The following IGSF11 variants were observed in gnomAD, a reference collection of about 807,000 sequenced individuals.
The protein encoded by IGSF11 is immunoglobulin superfamily member 11.
Under a neutral mutation model 41.0 loss-of-function variants are expected in IGSF11, and 22 were observed. That is an observed-to-expected ratio of 0.54 (90% CI 0.38 to 0.77). The LOEUF is 0.77. Ranked by LOEUF, IGSF11 falls within the 30% of genes least tolerant of loss-of-function variation. The probability of loss-of-function intolerance (pLI) is 0.00; values close to 1 mark genes in which losing one functional copy is unlikely to be tolerated. For missense variants in IGSF11, 444 were observed against 530.8 expected (o/e 0.84, Z 1.61); for synonymous variants, 219 against 201.3 (o/e 1.09, Z -0.74).
At chr3:119,104,546 T>G (rs1167060370) in intron 1 of IGSF11, among the ~76,000 whole-genome samples, 2 of 152,202 alleles carry the variant, frequency 1.3e-5, no homozygotes, top group Non-Finnish European at 1.5e-5. Flanking sequence ...AATTTCTATG[T>G]ATTAACTCAT....
chr3:119,144,212 G>A (rs1051205246), intron 1 of IGSF11, among the ~76,000 whole-genome samples: 1 of 152,110 alleles, frequency 6.6e-6, no homozygotes, highest in African/African-American at 2.4e-5. Context: ...ACCACACCCG[G>A]CTGATTTTTT....
chr3:118,955,469 A>G (rs1944894486), intron 1 of IGSF11, among the ~76,000 whole-genome samples: 1 of 152,048 alleles, frequency 6.6e-6, no homozygotes, highest in Non-Finnish European at 1.5e-5. Flanking sequence ...GTCTTTGAAC[A>G]ATCTTGAGTT....
chr3:119,012,445 G>C (rs1039583062), intron 1 of IGSF11, among the ~76,000 whole-genome samples: 1 of 152,146 alleles, frequency 6.6e-6, no homozygotes, highest in South Asian at 2.1e-4. Flanking sequence ...TTTGTGCTCA[G>C]AGGTATACTG....
At chr3:119,136,450 C>T (rs2077563347) in intron 1 of IGSF11, among the ~76,000 whole-genome samples, 4 of 152,012 alleles carry the variant, frequency 2.6e-5, no homozygotes, top group Non-Finnish European at 5.9e-5. Context: ...TATGAAGGCA[C>T]ACATAGACTG....
At chr3:118,975,582 G>A (rs1406125017) in intron 1 of IGSF11, among the ~76,000 whole-genome samples, 1 of 152,122 alleles carries the variant, frequency 6.6e-6, no homozygotes, top group Non-Finnish European at 1.5e-5. Flanking sequence ...GTTCACTGCA[G>A]CACTATTCAC....
intron 1 of IGSF11, among the ~76,000 whole-genome samples, chr3:119,046,484 T>A (rs576898474): frequency 0.042 from 6,451 of 151,962 alleles, 187 homozygotes; most frequent in Non-Finnish European, 0.065. Flanking sequence ...CCAAGAAATA[T>A]GGGACTATGT....
At chr3:119,002,543 T>C (rs1937013204) in intron 1 of IGSF11, among the ~76,000 whole-genome samples, 1 of 133,038 alleles carries the variant, frequency 7.5e-6, no homozygotes, top group African/African-American at 3.3e-5. Context: ...ATGAAGTCCT[T>C]GCCCACGCCT....
At chr3:119,117,396 G>A (rs1216806307) in intron 1 of IGSF11, among the ~76,000 whole-genome samples, 2 of 152,118 alleles carry the variant, frequency 1.3e-5, no homozygotes, top group Non-Finnish European at 2.9e-5. Context: ...CGTCTTACAT[G>A]GATGGCAGCA....
intron 1 of IGSF11, chr3:118,981,992 C>T (rs547613798): frequency 4.6e-5 from 7 of 152,554 alleles, no homozygotes; most frequent in African/African-American, 1.7e-4. Flanking sequence ...GTGTCTCACC[C>T]GACCAACACA....
intron 1 of IGSF11, among the ~76,000 whole-genome samples, chr3:119,078,494 G>A (rs1045188753): frequency 4.6e-5 from 7 of 152,212 alleles, no homozygotes; most frequent in Non-Finnish European, 8.8e-5. Flanking sequence ...AAATGGTGCA[G>A]GGATAACTGA....
In IGSF11 at chr3:118,984,259, G is replaced by A. The variant is rs78083254; in HGVS notation, c.52+50272C>T. Among the ~76,000 whole-genome samples, 222 of 151,752 alleles carry A rather than the reference G, an allele frequency of 1.5e-3. 2 individuals are homozygous for A. Among genetic ancestry groups the A allele is most frequent in the African/African-American group, 4.2e-3 (173 of 41,364 alleles). On this transcript the variant is annotated intron_variant, in intron 1 of 6. Coordinates refer to ENST00000393775, the MANE Select transcript of IGSF11 (RefSeq NM_001015887.3). ...CCTTATAACCAGAAAAAGCAAAGCC[G>A]TCAGAAGGTTGCAGAAAATAACAGG...
At chr3:119,116,467 T>C (rs1475281207) in intron 1 of IGSF11, among the ~76,000 whole-genome samples, 2 of 152,120 alleles carry the variant, frequency 1.3e-5, no homozygotes, top group Non-Finnish European at 2.9e-5. Context: ...ATATGTAAAA[T>C]CACCTTTGCA....
At chr3:119,047,949 C>T (rs145868254) in intron 1 of IGSF11, among the ~76,000 whole-genome samples, 7,504 of 152,094 alleles carry the variant, frequency 0.049, 307 homozygotes, top group Admixed American at 0.15. Flanking sequence ...TTGAAACCAA[C>T]GAGAACAAAG....
chr3:119,075,688 A>C (rs574421515), intron 1 of IGSF11, among the ~76,000 whole-genome samples: 1 of 152,320 alleles, frequency 6.6e-6, no homozygotes, highest in Non-Finnish European at 1.5e-5. Context: ...CAAATCAATA[A>C]ATGTGATTCA....
upstream of IGSF11, among the ~76,000 whole-genome samples, chr3:119,108,004 T>C (rs1363040209): frequency 1.3e-5 from 2 of 151,438 alleles, no homozygotes; most frequent in South Asian, 2.1e-4. Flanking sequence ...TGTAGTATAG[T>C]TTGAAGTCAG....
intron 1 of IGSF11, 56 bp from the exon 2 acceptor site, chr3:118,930,331 TCCTTCAGGAA>T (rs1224977084): frequency 1.3e-6 from 2 of 1,508,458 alleles, no homozygotes; most frequent in Admixed American, 4.3e-5. Context: ...CAGTCCAAAC[TCCTTCAGGAA>T]GGTTTGCGTG....
chr3:119,050,058 C>T (rs547683387), intron 1 of IGSF11, among the ~76,000 whole-genome samples: 14 of 147,918 alleles, frequency 9.5e-5, no homozygotes, highest in African/African-American at 3.0e-4. Context: ...AGAAGAAAAC[C>T]TAGGCATTAC....
At position 118,940,908 on chromosome 3, in the gene IGSF11, CAAA is replaced by C. The variant is rs374776493; in HGVS notation, c.53-10636_53-10634del. Among the ~76,000 whole-genome samples, 496 of 99,870 alleles carry C rather than the reference CAAA, an allele frequency of 5.0e-3. 4 individuals carry two copies. Among genetic ancestry groups the C allele is most frequent in the East Asian group, 0.014 (45 of 3,212 alleles). The allele number at this position is 99,870 out of a possible 152,430, so 65.5% of individuals were successfully genotyped here. A position where few individuals can be genotyped will look rare whatever the true frequency, so the allele number is the denominator to read the frequency against. On this transcript the variant is annotated intron_variant, in intron 1 of 6. Coordinates refer to ENST00000393775, the MANE Select transcript of IGSF11 (RefSeq NM_001015887.3). The stretch of plus-strand genomic sequence containing the variant: ...GGGGGAAAAAATAATCTCCATATGC[CAAA>C]AAAAAAAAAAAAAACACCTCTACCC...
chr3:118,926,528 C>T (rs1264613061), intron 3 of IGSF11, among the ~76,000 whole-genome samples: 1 of 152,164 alleles, frequency 6.6e-6, no homozygotes, highest in Non-Finnish European at 1.5e-5. Context: ...ATCTTAAGAT[C>T]TTCCTTTCAC....
Sources: gnomAD v4.1 joint callset for allele counts (sites outside exome capture counted in the v4.1 genomes callset) on GRCh38, gnomAD v4.1.1 for gene constraint, MANE v1.5 for transcripts, NCBI Gene and HGNC (gene_info 2026-07-23, HGNC 2026-07-21) for gene names.